Variants in DPYD observed in about 807,000 individuals in gnomAD.
DPYD encodes dihydropyrimidine dehydrogenase.
DPYD carries 109 observed loss-of-function variants against 116.2 expected under a neutral mutation model. The ratio of observed to expected loss-of-function variants is 0.94; its 90% CI spans 0.80 to 1.10. DPYD has a LOEUF of 1.10. Among genes scored for constraint, DPYD ranks in the 50% least tolerant of loss-of-function variants. DPYD has a pLI of 0.00. For synonymous variants in DPYD, 440 were observed against 432.0 expected, an observed-to-expected ratio of 1.02 and a Z score of -0.23; for missense variants, 1,302 against 1,254.5, an observed-to-expected ratio of 1.04 and a Z score of -0.57.
intron 18 of DPYD, among the ~76,000 whole-genome samples, chr1:97,302,120 G>A (rs1049951862): frequency 4.6e-5 from 7 of 151,850 alleles, no homozygotes; most frequent in African/African-American, 1.7e-4. Context: ...ATTAACTGCT[G>A]TTTGATGCAA....
At chr1:97,201,102 A>C (rs917973852) in intron 19 of DPYD, among the ~76,000 whole-genome samples, 5 of 152,268 alleles carry the variant, frequency 3.3e-5, no homozygotes, top group Admixed American at 6.5e-5. Flanking sequence ...ATGAGATGAA[A>C]GTCTTACATA....
intron 2 of DPYD, among the ~76,000 whole-genome samples, chr1:97,857,535 A>G (rs1172322143): frequency 6.6e-6 from 1 of 152,090 alleles, no homozygotes; most frequent in Non-Finnish European, 1.5e-5. Context: ...AAAAACCCAA[A>G]ACGAGAGGAT....
At chr1:97,560,054 G>T (rs1055167463) in intron 11 of DPYD, among the ~76,000 whole-genome samples, 1 of 152,112 alleles carries the variant, frequency 6.6e-6, no homozygotes, top group Non-Finnish European at 1.5e-5. Context: ...GTTGGAAAAT[G>T]CCTGAAAAAT....
intron 8 of DPYD, among the ~76,000 whole-genome samples, chr1:97,656,078 T>G (rs568954586): frequency 4.6e-5 from 7 of 152,212 alleles, no homozygotes; most frequent in Non-Finnish European, 1.0e-4. Flanking sequence ...CATTTTTATT[T>G]GTAAATCTAA....
intron 8 of DPYD, among the ~76,000 whole-genome samples, chr1:97,667,012 T>A (rs940314973): frequency 6.3e-4 from 96 of 152,338 alleles, no homozygotes; most frequent in Non-Finnish European, 1.1e-3. Context: ...CTCATTTTTT[T>A]AAATAAAGTT....
At chr1:97,345,325 T>C (rs1393484876) in intron 16 of DPYD, among the ~76,000 whole-genome samples, 1 of 151,988 alleles carries the variant, frequency 6.6e-6, no homozygotes, top group East Asian at 1.9e-4. Flanking sequence ...AAAGATGAGA[T>C]GGAATCATGC....
At chr1:97,129,500 T>G (rs1653111649) in intron 20 of DPYD, among the ~76,000 whole-genome samples, 1 of 152,172 alleles carries the variant, frequency 6.6e-6, no homozygotes, top group South Asian at 2.1e-4. Flanking sequence ...GAAAGCTTCG[T>G]GTGACCTCTG....
In DPYD at chr1:97,527,794, G is replaced by GAAAA. The variant is rs35111926; in HGVS notation, c.1525-11857_1525-11854dup. ...ATTTGCTTTGCTAGAATGAAATTTG[G>GAAAA]AAAAAAAAAAAAAAAAAAAGGAAGA... On this transcript the variant is annotated intron_variant, in intron 12 of 22. Coordinates refer to ENST00000370192, the MANE Select transcript of DPYD (RefSeq NM_000110.4). Among the ~76,000 whole-genome samples the GAAAA allele has an allele frequency of 3.8e-3, 426 of 112,720 alleles. 5 individuals carry two copies. The highest frequency in any genetic ancestry group is 0.014 in the African/African-American group (406 of 29,576). The allele number at this position is 112,720 out of a possible 152,430, so 73.9% of individuals were successfully genotyped here. A position where few individuals can be genotyped will look rare whatever the true frequency, so the allele number is the denominator to read the frequency against.
chr1:97,574,046 A>G, intron 10 of DPYD, 76 bp from the exon 11 acceptor site: 1 of 1,570,092 alleles, frequency 6.4e-7, no homozygotes, highest in Non-Finnish European at 8.6e-7. Context: ...TAATTGAATT[A>G]CACATGCTAA....
At chr1:97,719,221 T>G (rs955330223) in intron 5 of DPYD, among the ~76,000 whole-genome samples, 14 of 147,984 alleles carry the variant, frequency 9.5e-5, no homozygotes, top group South Asian at 2.1e-4. Flanking sequence ...CATAAGGCTA[T>G]GCATCATGTG....
rs1020928277 is a variant in DPYD, at chr1:97,680,704, G to A, written c.763-1522C>T. ...CGTCACAGTGATTCATTACCTTGAC[G>A]ACATCAGGCAGATCAGACAGCATGA... On this transcript the variant is annotated intron_variant, in intron 7 of 22. Coordinates refer to ENST00000370192, the MANE Select transcript of DPYD (RefSeq NM_000110.4). Among the ~76,000 whole-genome samples the A allele has an allele frequency of 5.3e-5, 8 of 152,080 alleles. No homozygotes were observed. The South Asian group carries it at 1.0e-3, about 20-fold the overall frequency.
At chr1:97,316,837 G>A (rs1667884002) in intron 16 of DPYD, among the ~76,000 whole-genome samples, 1 of 151,726 alleles carries the variant, frequency 6.6e-6, no homozygotes, top group African/African-American at 2.4e-5. Flanking sequence ...TCCATGACTT[G>A]TCTGTCACTT....
Position 97,267,936 on chromosome 1 carries a change from G to A in DPYD, c.2300-32942C>T, listed in dbSNP as rs561733218. 7.9e-5 allele frequency among the ~76,000 whole-genome samples: 12 copies of A among 152,196 alleles called. No individual in the cohort carries two copies. The South Asian group carries it at 1.7e-3, about 21-fold the overall frequency. On this transcript the variant is annotated intron_variant, in intron 18 of 22. Coordinates refer to ENST00000370192, the MANE Select transcript of DPYD (RefSeq NM_000110.4). The stretch of plus-strand genomic sequence containing the variant: ...AAGTCAGATATGGGGGAAACCCAAG[G>A]CACAATTCATCTTGAGGCAAATTCC...
intron 18 of DPYD, among the ~76,000 whole-genome samples, chr1:97,249,898 T>A (rs1338464534): frequency 2.0e-5 from 3 of 152,150 alleles, no homozygotes; most frequent in Non-Finnish European, 4.4e-5. Context: ...TGGCTAAAAA[T>A]CCAAAAGACT....
At chr1:97,101,798 G>A (rs530683167) in intron 20 of DPYD, among the ~76,000 whole-genome samples, 3 of 152,072 alleles carry the variant, frequency 2.0e-5, no homozygotes, top group African/African-American at 7.2e-5. Flanking sequence ...AAAGGAAAAA[G>A]TTCTTTAGGA....
At chr1:97,685,100 A>C (rs145879605) in intron 7 of DPYD, among the ~76,000 whole-genome samples, 1,876 of 152,308 alleles carry the variant, frequency 0.012, 36 homozygotes, top group African/African-American at 0.042. Flanking sequence ...TCCTCAATAA[A>C]ATGCTGGCAA....
intron 20 of DPYD, among the ~76,000 whole-genome samples, chr1:97,164,022 C>A (rs373947346): frequency 4.3e-4 from 65 of 152,112 alleles, no homozygotes; most frequent in African/African-American, 1.5e-3. Context: ...ATGCTAAATT[C>A]TTCAACAAAA....
intron 1 of DPYD, among the ~76,000 whole-genome samples, chr1:97,883,578 C>T (rs1454016277): frequency 6.6e-6 from 1 of 151,962 alleles, no homozygotes; most frequent in Non-Finnish European, 1.5e-5. Context: ...TCCCAAGTAG[C>T]TCGGACTACA....
intron 5 of DPYD, among the ~76,000 whole-genome samples, chr1:97,707,298 T>TA (rs201632447): frequency 0.013 from 2,045 of 151,844 alleles, 41 homozygotes; most frequent in African/African-American, 0.046. Context: ...TGAGCATATA[T>TA]TTTTTTTATT....
Sources: gnomAD v4.1 joint callset for allele counts (sites outside exome capture counted in the v4.1 genomes callset) on GRCh38, gnomAD v4.1.1 for gene constraint, MANE v1.5 for transcripts, NCBI Gene and HGNC (gene_info 2026-07-23, HGNC 2026-07-21) for gene names.